ANO2: variants seen among roughly 807,000 people sequenced by gnomAD.
The protein encoded by ANO2 is anoctamin-2.
In ANO2, 101 loss-of-function variants were observed where a neutral mutation model predicts 124.2. The observed-to-expected ratio is 0.81, with a 90% confidence interval of 0.69 to 0.96. ANO2 has a LOEUF of 0.96. Among genes scored for constraint, ANO2 ranks in the 40% least tolerant of loss-of-function variants. The pLI is 0.00. For missense variants in ANO2, 1,293 were observed against 1,274.5 expected, an observed-to-expected ratio of 1.01 and a Z score of -0.22; for synonymous variants, 486 against 482.5, an observed-to-expected ratio of 1.01 and a Z score of -0.09.
chr12:5,631,023 C>G (rs1945692448), intron 16 of ANO2, among the ~76,000 whole-genome samples: 1 of 152,172 alleles, frequency 6.6e-6, no homozygotes, highest in Non-Finnish European at 1.5e-5. Flanking sequence ...GGTCCCTGAG[C>G]AATTGTGTGC....
At chr12:5,668,511 G>A (rs1315002715) in intron 14 of ANO2, among the ~76,000 whole-genome samples, 1 of 152,002 alleles carries the variant, frequency 6.6e-6, no homozygotes, top group Admixed American at 6.6e-5. Flanking sequence ...TGCTCACTCT[G>A]CAATAGTTTC....
chr12:5,589,065 C>T (rs1035126472), intron 20 of ANO2, among the ~76,000 whole-genome samples: 1 of 152,148 alleles, frequency 6.6e-6, no homozygotes, highest in Non-Finnish European at 1.5e-5. Flanking sequence ...GACGAGGGTG[C>T]AGAGAAATCA....
chr12:5,726,524 G>T (rs956961253), intron 14 of ANO2, among the ~76,000 whole-genome samples: 14 of 152,168 alleles, frequency 9.2e-5, no homozygotes, highest in African/African-American at 2.9e-4. Flanking sequence ...GAGTCAGACT[G>T]CCTGGCTTCG....
At chr12:5,924,427 A>T (rs946656025) in intron 1 of ANO2, among the ~76,000 whole-genome samples, 1 of 152,200 alleles carries the variant, frequency 6.6e-6, no homozygotes, top group Non-Finnish European at 1.5e-5. Context: ...CTTCTGGGGT[A>T]ACTGAGCCAG....
chr12:5,943,256 T>C (rs944980019), intron 1 of ANO2, among the ~76,000 whole-genome samples: 11 of 141,768 alleles, frequency 7.8e-5, no homozygotes, highest in Non-Finnish European at 1.4e-4. Context: ...AAATGTGGGA[T>C]GTCTGTGTTT....
intron 7 of ANO2, among the ~76,000 whole-genome samples, chr12:5,809,409 A>G (rs76991115): frequency 0.041 from 6,303 of 152,178 alleles, 290 homozygotes; most frequent in African/African-American, 0.12. Context: ...CGCACCCCAG[A>G]ACCTACCCAA....
At chr12:5,759,710 A>G (rs928785883) in intron 10 of ANO2, among the ~76,000 whole-genome samples, 6 of 151,436 alleles carry the variant, frequency 4.0e-5, no homozygotes, top group African/African-American at 1.5e-4. Flanking sequence ...GCCTGTGGAA[A>G]AATTATCTTC....
At chr12:5,778,273 A>G (rs1190582930) in intron 10 of ANO2, among the ~76,000 whole-genome samples, 1 of 152,224 alleles carries the variant, frequency 6.6e-6, no homozygotes, top group Admixed American at 6.5e-5. Context: ...GAGAAAACAG[A>G]GAAGTTAAAT....
chr12:5,944,654 G>A (rs1013855312), intron 1 of ANO2, among the ~76,000 whole-genome samples: 1 of 152,146 alleles, frequency 6.6e-6, no homozygotes, highest in Non-Finnish European at 1.5e-5. Flanking sequence ...CTGCAGCCTG[G>A]GGTGTAAATG....
At position 5,852,848 on chromosome 12, in the gene ANO2, C is replaced by CGTGTGTGTGTGT. The variant is rs71445682; in HGVS notation, c.633+1183_633+1194dup. Among the ~76,000 whole-genome samples the CGTGTGTGTGTGT allele has an allele frequency of 3.3e-3, 403 of 123,942 alleles. 5 individuals carry two copies. Among genetic ancestry groups the CGTGTGTGTGTGT allele is most frequent in the African/African-American group, 0.011 (342 of 32,394 alleles). 81.3% of individuals were successfully genotyped at this position (123,942 alleles called of 152,430 possible). A position where few individuals can be genotyped will look rare whatever the true frequency, so the allele number is the denominator to read the frequency against. ...TATACAACTACACTATGGAAAGGGA[C>CGTGTGTGTGTGT]GTGTGTGTGTGTGTGTGTGTGTGTG... On this transcript the variant is annotated intron_variant, in intron 4 of 24. Coordinates refer to ENST00000682330, the MANE Select transcript of ANO2 (RefSeq NM_001364791.2).
intron 3 of ANO2, among the ~76,000 whole-genome samples, chr12:5,913,721 C>T (rs948670685): frequency 6.6e-6 from 1 of 152,198 alleles, no homozygotes; most frequent in Non-Finnish European, 1.5e-5. Context: ...ATAACAGCCC[C>T]TTGCAGGGTA....
At chr12:5,643,710 A>T (rs1946499103) in intron 15 of ANO2, among the ~76,000 whole-genome samples, 1 of 152,156 alleles carries the variant, frequency 6.6e-6, no homozygotes, top group South Asian at 2.1e-4. Flanking sequence ...TATCTTTTCC[A>T]ACACTTGTTA....
intron 14 of ANO2, among the ~76,000 whole-genome samples, chr12:5,728,670 C>T (rs1950529258): frequency 6.6e-6 from 1 of 151,914 alleles, no homozygotes; most frequent in South Asian, 2.1e-4. Flanking sequence ...ATGCAAAACA[C>T]CCAGAATGGT....
intron 14 of ANO2, among the ~76,000 whole-genome samples, chr12:5,702,153 G>T (rs1949428097): frequency 6.6e-6 from 1 of 152,262 alleles, no homozygotes; most frequent in Admixed American, 6.5e-5. Flanking sequence ...CCTCATAGGG[G>T]AGATTTCAGC....
At chr12:5,779,353 A>G (rs1050546913) in intron 10 of ANO2, among the ~76,000 whole-genome samples, 1 of 152,180 alleles carries the variant, frequency 6.6e-6, no homozygotes, top group East Asian at 1.9e-4. Context: ...TCCCTTCTCC[A>G]TTCTCAATTT....
chr12:5,832,735 C>T (rs1173176927), intron 4 of ANO2, 132 bp from the exon 5 acceptor site: 1 of 1,075,614 alleles, frequency 9.3e-7, no homozygotes, highest in African/African-American at 1.6e-5. Context: ...CTGGGAGAAA[C>T]AAGAAGGAGG....
At chr12:5,670,919 A>C (rs1320595338) in intron 14 of ANO2, among the ~76,000 whole-genome samples, 1 of 152,192 alleles carries the variant, frequency 6.6e-6, no homozygotes, top group African/African-American at 2.4e-5. Flanking sequence ...TGGAAAACCA[A>C]GGCTCAAAGC....
intron 20 of ANO2, among the ~76,000 whole-genome samples, chr12:5,584,269 T>C (rs1305885172): frequency 7.9e-5 from 12 of 151,980 alleles, no homozygotes; most frequent in Admixed American, 7.9e-4. Context: ...AAGGGACTCC[T>C]GTGTGCACCA....
At chr12:5,780,956 A>C (rs1384040141) in intron 10 of ANO2, among the ~76,000 whole-genome samples, 1 of 152,274 alleles carries the variant, frequency 6.6e-6, no homozygotes, top group Non-Finnish European at 1.5e-5. Context: ...TTAAAAGATA[A>C]GAAAGCCATC....
Sources: allele counts gnomAD v4.1 joint callset (sites outside exome capture counted in the v4.1 genomes callset), GRCh38; gene constraint gnomAD v4.1.1; transcripts MANE v1.5; gene names NCBI Gene and HGNC (gene_info 2026-07-23, HGNC 2026-07-21).